The following DLG2 variants were observed in gnomAD, a reference collection of about 807,000 sequenced individuals.
DLG2 encodes discs large MAGUK scaffold protein 2.
A neutral mutation model predicts 132.5 loss-of-function variants in DLG2; 45 were observed. The ratio of observed to expected loss-of-function variants is 0.34; its 90% confidence interval spans 0.27 to 0.44. The LOEUF is 0.44. Ranked by LOEUF, DLG2 falls within the 20% of genes least tolerant of loss-of-function variation. The pLI is 1.00. For synonymous variants in DLG2, 424 were observed against 419.6 expected (o/e 1.01, Z -0.13); for missense variants, 1,045 against 1,196.9 (o/e 0.87, Z 1.87).
At chr11:84,390,688 G>A (rs2098789665) in intron 7 of DLG2, among the ~76,000 whole-genome samples, 1 of 152,174 alleles carries the variant, frequency 6.6e-6, no homozygotes, top group South Asian at 2.1e-4. Context: ...CTGTGAGAAA[G>A]AGAAGTTAAA....
At position 84,231,999 on chromosome 11, in the gene DLG2, G is replaced by A. The variant is rs186552674; in HGVS notation, c.573+19239C>T. Among the ~76,000 whole-genome samples, 294 of 151,848 alleles carry A rather than the reference G, an allele frequency of 1.9e-3. 1 individual carries two copies. The highest frequency in any genetic ancestry group is 6.9e-3 in the African/African-American group (284 of 41,404). ...GTAATGTGAGTTGAGTTGATAGTGA[G>A]GTAATTTACCACCAAGATGGGGAAG... is the stretch of plus-strand genomic sequence containing the variant. On this transcript the variant is annotated intron_variant, in intron 8 of 27. Coordinates refer to ENST00000376104, the MANE Select transcript of DLG2 (RefSeq NM_001142699.3).
chr11:83,567,006 T>C (rs985929835), intron 19 of DLG2, among the ~76,000 whole-genome samples: 4 of 152,210 alleles, frequency 2.6e-5, no homozygotes, highest in Non-Finnish European at 4.4e-5. Context: ...TTATCCCATC[T>C]TGACTCCGTC....
intron 3 of DLG2, among the ~76,000 whole-genome samples, chr11:85,513,530 T>A (rs2153163298): frequency 6.6e-6 from 1 of 152,044 alleles, no homozygotes; most frequent in East Asian, 1.9e-4. Context: ...CTCTATGAGT[T>A]TTGGGGTTCT....
At chr11:84,887,968 A>C (rs2088620835) in intron 6 of DLG2, among the ~76,000 whole-genome samples, 1 of 152,120 alleles carries the variant, frequency 6.6e-6, no homozygotes, top group Non-Finnish European at 1.5e-5. Context: ...TTACCTCAAA[A>C]ACTATTTGAG....
chr11:85,110,035 C>T (rs2072449558), intron 6 of DLG2, among the ~76,000 whole-genome samples: 1 of 151,888 alleles, frequency 6.6e-6, no homozygotes, highest in African/African-American at 2.4e-5. Flanking sequence ...TGCCATGTAC[C>T]AGGGATTTTA....
At chr11:84,223,872 T>C (rs2096952117) in intron 8 of DLG2, among the ~76,000 whole-genome samples, 1 of 152,172 alleles carries the variant, frequency 6.6e-6, no homozygotes, top group South Asian at 2.1e-4. Flanking sequence ...ATGCACCTTT[T>C]AATCATGCAC....
At chr11:84,125,710 GC>G (rs978197669) in intron 9 of DLG2, among the ~76,000 whole-genome samples, 6 of 152,304 alleles carry the variant, frequency 3.9e-5, no homozygotes, top group African/African-American at 1.2e-4. Flanking sequence ...GACAACACAA[GC>G]TACAGGTTCC....
At chr11:85,392,177 C>A (rs572023552) in intron 3 of DLG2, among the ~76,000 whole-genome samples, 1 of 152,124 alleles carries the variant, frequency 6.6e-6, no homozygotes, top group East Asian at 1.9e-4. Flanking sequence ...AGAACTCAAC[C>A]CCTTTTACAA....
intron 6 of DLG2, among the ~76,000 whole-genome samples, chr11:84,605,253 T>C (rs891337063): frequency 2.6e-5 from 4 of 151,922 alleles, no homozygotes; most frequent in East Asian, 1.9e-4. Flanking sequence ...CATTCTTGAG[T>C]ATTTCTCAAT....
chr11:84,722,692 C>T (rs1400602658), intron 6 of DLG2, among the ~76,000 whole-genome samples: 1 of 152,124 alleles, frequency 6.6e-6, no homozygotes, highest in Non-Finnish European at 1.5e-5. Flanking sequence ...TAAGACTTAT[C>T]TGAAGGAAAC....
At chr11:84,929,757 A>T (rs970636254) in intron 6 of DLG2, among the ~76,000 whole-genome samples, 2 of 152,168 alleles carry the variant, frequency 1.3e-5, no homozygotes, top group Non-Finnish European at 2.9e-5. Flanking sequence ...GTATGATTCC[A>T]GGCTCAGGAA....
chr11:83,735,480 C>T (rs889648318), intron 18 of DLG2, among the ~76,000 whole-genome samples: 20 of 152,142 alleles, frequency 1.3e-4, no homozygotes, highest in Non-Finnish European at 2.9e-4. Flanking sequence ...ACTATTCCTA[C>T]TTTTAATGAT....
In DLG2 at chr11:83,852,413, T is replaced by C. The variant is rs144275973; in HGVS notation, c.1566-18643A>G. Among the ~76,000 whole-genome samples, 7 of 152,358 alleles carry C rather than the reference T, an allele frequency of 4.6e-5. No individual in the cohort carries two copies. The East Asian group carries it at 1.2e-3, about 25-fold the overall frequency. On this transcript the variant is annotated intron_variant, in intron 16 of 27. Transcript: ENST00000376104. The stretch of plus-strand genomic sequence containing the variant: ...CCAGGTGCCTGGGCAGAAAGCCTTA[T>C]ATTCAAATGGCAAAGCTTTCCATAA...
At chr11:85,164,971 A>G (rs537079359) in intron 4 of DLG2, among the ~76,000 whole-genome samples, 10 of 152,278 alleles carry the variant, frequency 6.6e-5, no homozygotes, top group African/African-American at 2.2e-4. Flanking sequence ...TCAACTCTTC[A>G]ACCTACTGAA....
intron 9 of DLG2, among the ~76,000 whole-genome samples, chr11:84,106,050 GA>G (rs2092888702): frequency 6.6e-6 from 1 of 152,078 alleles, no homozygotes; most frequent in Admixed American, 6.6e-5. Flanking sequence ...CATTGGCCAT[GA>G]AGATAATAGG....
chr11:83,467,811 A>G lies in DLG2; in HGVS notation c.2620-994T>C, dbSNP rs2091388620. Among the ~76,000 whole-genome samples, 6 of 83,396 alleles carry G rather than the reference A, an allele frequency of 7.2e-5. No homozygotes were observed. The South Asian group carries it at 2.1e-3, about 29-fold the overall frequency. 54.7% of individuals were successfully genotyped at this position (83,396 alleles called of 152,430 possible). ...TATATATATATATATATATATATAT[A>G]CACACACACATATAAAATATATAAT... On this transcript the variant is annotated intron_variant, in intron 25 of 27. Coordinates refer to ENST00000376104, the MANE Select transcript of DLG2 (RefSeq NM_001142699.3).
At chr11:84,498,181 T>C (rs893697134) in intron 7 of DLG2, among the ~76,000 whole-genome samples, 3 of 152,208 alleles carry the variant, frequency 2.0e-5, no homozygotes, top group Non-Finnish European at 4.4e-5. Flanking sequence ...TTATAAAGTA[T>C]TTTGGCATGA....
intron 3 of DLG2, among the ~76,000 whole-genome samples, chr11:85,352,195 A>G (rs1055461575): frequency 1.3e-5 from 2 of 152,126 alleles, no homozygotes; most frequent in African/African-American, 4.8e-5. Flanking sequence ...GTTTATTTGC[A>G]TAGACGTGTT....
intron 6 of DLG2, among the ~76,000 whole-genome samples, chr11:85,088,622 G>A (rs17207605): frequency 0.021 from 3,215 of 152,240 alleles, 57 homozygotes; most frequent in East Asian, 0.088. Context: ...ATTTGAATAA[G>A]GTGAGGATAG....
Sources: gnomAD v4.1 joint callset for allele counts (sites outside exome capture counted in the v4.1 genomes callset) on GRCh38, gnomAD v4.1.1 for gene constraint, MANE v1.5 for transcripts, NCBI Gene and HGNC (gene_info 2026-07-23, HGNC 2026-07-21) for gene names.